Variants in IMPG1 observed in about 807,000 individuals in gnomAD.
IMPG1 encodes the protein interphotoreceptor matrix proteoglycan of 150 kDa.
In IMPG1, 85 loss-of-function variants were observed where a neutral mutation model predicts 92.0. The observed-to-expected ratio is 0.92, with a 90% CI of 0.78 to 1.11. IMPG1 has a LOEUF of 1.11. Ranked by LOEUF, IMPG1 falls within the 50% of genes least tolerant of loss-of-function variation. IMPG1 has a pLI of 0.00. For missense variants in IMPG1, 1,022 were observed against 956.0 expected (o/e 1.07, Z -0.91); for synonymous variants, 367 against 334.1 (o/e 1.10, Z -1.08).
At chr6:76,072,126 T>C (rs762963624) in intron 1 of IMPG1, among the ~76,000 whole-genome samples, 9 of 152,162 alleles carry the variant, frequency 5.9e-5, no homozygotes, top group Non-Finnish European at 1.2e-4. Flanking sequence ...GATCTACTAA[T>C]ATTATTTACA....
rs752336306 is a variant in IMPG1, at chr6:76,011,232, G to C, written c.808-8C>G. 1.5e-5 allele frequency: 22 copies of C among 1,493,582 alleles called. No homozygotes were observed. The South Asian group carries it at 2.5e-4, about 17-fold the overall frequency. The allele number at this position is 1,493,582 out of a possible 1,614,324, so 92.5% of individuals were successfully genotyped here. A position where few individuals can be genotyped will look rare whatever the true frequency, so the allele number is the denominator to read the frequency against. On this transcript the variant is annotated splice_polypyrimidine_tract_variant and splice_region_variant and intron_variant, in intron 7 of 16. Coordinates refer to ENST00000369950, the MANE Select transcript of IMPG1 (RefSeq NM_001563.4). ...CTTAAATATCTTTTGCATCTGCAGA[G>C]AGAAAGAAATTTGTAAAATACTCTT... is the stretch of plus-strand genomic sequence containing the variant.
At chr6:75,959,051 A>G (rs1188090230) in intron 12 of IMPG1, among the ~76,000 whole-genome samples, 1 of 152,034 alleles carries the variant, frequency 6.6e-6, no homozygotes, top group Non-Finnish European at 1.5e-5. Flanking sequence ...TGACATTCAG[A>G]TGGGGTTTTT....
intron 14 of IMPG1, among the ~76,000 whole-genome samples, chr6:75,945,997 ACTT>A (rs755558164): frequency 5.1e-4 from 78 of 152,152 alleles, no homozygotes; most frequent in Non-Finnish European, 9.7e-4. Flanking sequence ...TTGTGCTATG[ACTT>A]CTTCAATGCT....
intron 14 of IMPG1, among the ~76,000 whole-genome samples, chr6:75,938,711 G>A (rs1049448482): frequency 1.3e-5 from 2 of 152,126 alleles, no homozygotes; most frequent in African/African-American, 4.8e-5. Flanking sequence ...TGCTTAGGAG[G>A]CTGAGACAGG....
At chr6:76,051,937 A>G (rs564075089) in intron 1 of IMPG1, among the ~76,000 whole-genome samples, 1 of 152,182 alleles carries the variant, frequency 6.6e-6, no homozygotes, top group South Asian at 2.1e-4. Flanking sequence ...CTTCTATTCC[A>G]TACGTGTACA....
At chr6:75,958,652 C>A (rs1324310917) in intron 12 of IMPG1, among the ~76,000 whole-genome samples, 1 of 152,018 alleles carries the variant, frequency 6.6e-6, no homozygotes, top group Non-Finnish European at 1.5e-5. Flanking sequence ...GACATCCTTT[C>A]TTCCGCTTGA....
At chr6:75,974,412 C>G (rs1250793100) in intron 12 of IMPG1, among the ~76,000 whole-genome samples, 1,817 of 125,884 alleles carry the variant, frequency 0.014, 88 homozygotes, top group South Asian at 0.054. Context: ...TTCCTTCCTT[C>G]CTTCCTTCCT....
intron 12 of IMPG1, among the ~76,000 whole-genome samples, chr6:75,967,958 A>G (rs1782337051): frequency 6.6e-6 from 1 of 152,236 alleles, no homozygotes; most frequent in African/African-American, 2.4e-5. Flanking sequence ...TATTCCAGCC[A>G]ACCAAAAGAT....
chr6:75,985,038 A>G lies in IMPG1; in HGVS notation c.1291+17880T>C, dbSNP rs77430827. 7.9e-5 allele frequency among the ~76,000 whole-genome samples: 12 copies of G among 152,362 alleles called. No individual in the cohort carries two copies. The East Asian group carries it at 2.3e-3, about 29-fold the overall frequency. On this transcript the variant is annotated intron_variant, in intron 12 of 16. Coordinates refer to ENST00000369950, the MANE Select transcript of IMPG1 (RefSeq NM_001563.4). Reference sequence around the variant, plus strand: ...AACCCAGCTTCAGGTATTTCTTTATAGTAATGCAAGAACAGCCTAACACAA... The same window carrying G: ...AACCCAGCTTCAGGTATTTCTTTATGGTAATGCAAGAACAGCCTAACACAA...
At chr6:76,016,800 A>T (rs1016990612) in intron 7 of IMPG1, among the ~76,000 whole-genome samples, 1 of 152,200 alleles carries the variant, frequency 6.6e-6, no homozygotes, top group African/African-American at 2.4e-5. Flanking sequence ...TGAGTAGTTA[A>T]CTGCATCCCA....
chr6:75,988,043 G>A (rs1026527430), intron 12 of IMPG1, among the ~76,000 whole-genome samples: 11 of 152,122 alleles, frequency 7.2e-5, no homozygotes, highest in Non-Finnish European at 1.6e-4. Context: ...TGGATTGGTT[G>A]CAAGTCTTTG....
At chr6:75,983,140 G>C (rs1303057812) in intron 12 of IMPG1, among the ~76,000 whole-genome samples, 1 of 151,588 alleles carries the variant, frequency 6.6e-6, no homozygotes, top group Non-Finnish European at 1.5e-5. Flanking sequence ...TATTGAAACT[G>C]ATAGATTTGG....
chr6:75,987,806 G>C (rs1437142047), intron 12 of IMPG1, among the ~76,000 whole-genome samples: 2 of 151,908 alleles, frequency 1.3e-5, no homozygotes, highest in African/African-American at 4.8e-5. Context: ...CACAAGGCCC[G>C]ACTAATTTTT....
At chr6:76,058,238 A>T (rs369127704) in intron 1 of IMPG1, among the ~76,000 whole-genome samples, 53 of 152,264 alleles carry the variant, frequency 3.5e-4, no homozygotes, top group African/African-American at 1.2e-3. Context: ...ACATGAATTC[A>T]TTTTACTCTC....
chr6:76,066,743 A>C (rs1243610555), intron 1 of IMPG1, among the ~76,000 whole-genome samples: 1 of 152,170 alleles, frequency 6.6e-6, no homozygotes, highest in Non-Finnish European at 1.5e-5. Context: ...CAACTGCAGA[A>C]TATACATTCT....
At chr6:75,974,367 CTTT>C (rs745882376) in intron 12 of IMPG1, among the ~76,000 whole-genome samples, 114 of 92,340 alleles carry the variant, frequency 1.2e-3, no homozygotes, top group African/African-American at 3.5e-3. Context: ...TTCTTTCTTT[CTTT>C]CTTTCTTTCT....
chr6:76,002,960 G>T lies in IMPG1; in HGVS notation c.1249C>A (p.Pro417Thr). 2 of 1,613,756 alleles carry T rather than the reference G, an allele frequency of 1.2e-6. No homozygotes were observed. Among genetic ancestry groups the T allele is most frequent in the Non-Finnish European group, 1.7e-6 (2 of 1,179,750 alleles). The change falls in exon 12 of 17, where the codon CCC becomes ACC. Residue 417 changes from proline (P) to threonine (T), a missense_variant. By Grantham distance (38) the Pro-to-Thr change is conservative (BLOSUM62 -1). Coordinates refer to ENST00000369950, the MANE Select transcript of IMPG1 (RefSeq NM_001563.4). The part of the protein sequence containing the change: ...TLSPELPPVE[P>T]QLETVDGAEH... ...GCTCCGTCCACTGTCTCAAGCTGGG[G>T]TTCAACAGGAGGAAGTTCTGGACTC... is the stretch of plus-strand genomic sequence containing the variant.
At chr6:75,985,239 G>C (rs1486948187) in intron 12 of IMPG1, among the ~76,000 whole-genome samples, 1 of 152,204 alleles carries the variant, frequency 6.6e-6, no homozygotes, top group Non-Finnish European at 1.5e-5. Flanking sequence ...GTTAGATTCT[G>C]AATGATATGG....
chr6:76,025,175 A>G lies in IMPG1; in HGVS notation c.562+19T>C. 1 of 1,488,908 alleles carries G rather than the reference A, an allele frequency of 6.7e-7. No homozygotes were observed. The highest frequency in any genetic ancestry group is 9.3e-7 in the Non-Finnish European group (1 of 1,073,160). The allele number at this position is 1,488,908 out of a possible 1,614,324, so 92.2% of individuals were successfully genotyped here. On this transcript the variant is annotated intron_variant, in intron 5 of 16. Transcript: ENST00000369950. ...TTTGAATGAAAGTTGAGAAGCAAAG[A>G]AATTAGATCTAAGCTTACCTGTTGA...
Sources: allele counts gnomAD v4.1 joint callset (sites outside exome capture counted in the v4.1 genomes callset), GRCh38; gene constraint gnomAD v4.1.1; transcripts MANE v1.5; gene names NCBI Gene and HGNC (gene_info 2026-07-23, HGNC 2026-07-21).